The following AFAP1L1 variants were observed in gnomAD, a reference collection of about 807,000 sequenced individuals.
AFAP1L1 encodes the protein actin filament associated protein 1 like 1.
In AFAP1L1, 77 loss-of-function variants were observed where a neutral mutation model predicts 99.8. The observed-to-expected ratio is 0.77, with a 90% CI of 0.64 to 0.93. The LOEUF (loss-of-function observed/expected upper bound fraction) is 0.93, where lower values mean the gene tolerates loss of function less well. Ranked by LOEUF, AFAP1L1 falls within the 40% of genes least tolerant of loss-of-function variation. The pLI, the probability that AFAP1L1 is intolerant of heterozygous loss-of-function variation, is 0.00. For missense variants in AFAP1L1, 893 were observed against 996.8 expected (o/e 0.90, Z 1.40); for synonymous variants, 373 against 395.3 (o/e 0.94, Z 0.67).
At chr5:149,313,530 G>A (rs958311079) in intron 9 of AFAP1L1, among the ~76,000 whole-genome samples, 1 of 152,228 alleles carries the variant, frequency 6.6e-6, no homozygotes, top group African/African-American at 2.4e-5. Flanking sequence ...AACCCAGACA[G>A]TCTAGTTCTT....
At chr5:149,278,287 C>T (rs1017260043) in intron 1 of AFAP1L1, among the ~76,000 whole-genome samples, 2 of 152,132 alleles carry the variant, frequency 1.3e-5, no homozygotes, top group Non-Finnish European at 2.9e-5. Flanking sequence ...CTCTTGCACA[C>T]TCCTTTCACC....
intron 1 of AFAP1L1, among the ~76,000 whole-genome samples, chr5:149,273,899 A>G (rs895436951): frequency 2.6e-5 from 4 of 152,144 alleles, no homozygotes; most frequent in Middle Eastern, 3.2e-3. Flanking sequence ...GCCTGTGGAA[A>G]GTGCACTGTG....
intron 1 of AFAP1L1, among the ~76,000 whole-genome samples, chr5:149,276,164 C>T (rs909270635): frequency 7.9e-5 from 12 of 152,212 alleles, no homozygotes; most frequent in African/African-American, 2.4e-4. Context: ...TTTCAGGCCC[C>T]AGACATCTCC....
chr5:149,272,032 A>G (rs1755127992), intron 1 of AFAP1L1, 48 bp downstream of exon 1: 3 of 1,207,700 alleles, frequency 2.5e-6, no homozygotes, highest in African/African-American at 1.6e-5. Flanking sequence ...CGGGCGGGAA[A>G]GGGAGACTGG....
chr5:149,315,937 G>A lies in AFAP1L1; in HGVS notation c.1114+23G>A, dbSNP rs1245999605. The A allele has an allele frequency of 1.9e-6, 3 of 1,612,646 alleles. No homozygotes were observed. The African/African-American group carries it at 4.0e-5, about 22-fold the overall frequency. On this transcript the variant is annotated intron_variant, in intron 10 of 18. Transcript: ENST00000296721. ...ACGGTAGGAGCCTCTGGGGGCTCAG[G>A]CTGGGGAATGCTGGAACTGGGCCGG...
intron 1 of AFAP1L1, among the ~76,000 whole-genome samples, chr5:149,284,052 G>A (rs1755603673): frequency 1.3e-5 from 2 of 152,358 alleles, no homozygotes; most frequent in African/African-American, 2.4e-5. Flanking sequence ...TTCCTAGCCA[G>A]GAGCCCTGTA....
chr5:149,323,249 C>T (rs1278274206), intron 15 of AFAP1L1, among the ~76,000 whole-genome samples: 1 of 152,154 alleles, frequency 6.6e-6, no homozygotes, highest in Non-Finnish European at 1.5e-5. Context: ...GAGAACTGAA[C>T]CTATCCAAAT....
intron 16 of AFAP1L1, among the ~76,000 whole-genome samples, chr5:149,330,832 T>C (rs1261320660): frequency 6.6e-6 from 1 of 152,178 alleles, no homozygotes; most frequent in Non-Finnish European, 1.5e-5. Context: ...CACACAAATA[T>C]AAGCACCATA....
chr5:149,285,648 G>A (rs1189284095), intron 1 of AFAP1L1, among the ~76,000 whole-genome samples: 1 of 152,126 alleles, frequency 6.6e-6, no homozygotes, highest in Non-Finnish European at 1.5e-5. Context: ...CCTCTTGAAA[G>A]GGACACCTAT....
intron 8 of AFAP1L1, among the ~76,000 whole-genome samples, chr5:149,311,379 G>A (rs990609405): frequency 5.3e-5 from 8 of 152,208 alleles, no homozygotes; most frequent in Admixed American, 3.9e-4. Context: ...CTGGGCGGCC[G>A]TTAGCCCAGA....
intron 2 of AFAP1L1, 94 bp from the exon 3 acceptor site, chr5:149,300,177 C>T (rs1756151778): frequency 2.5e-6 from 2 of 793,386 alleles, no homozygotes; most frequent in Non-Finnish European, 2.0e-6. Flanking sequence ...GCAAAGTGAG[C>T]ACTGTGTCCC....
Position 149,303,650 on chromosome 5 carries a change from C to A in AFAP1L1, c.436+1124C>A, listed in dbSNP as rs551509636. 5.2e-4 allele frequency among the ~76,000 whole-genome samples: 79 copies of A among 152,240 alleles called. 4 individuals are homozygous for A. The South Asian group carries it at 0.016, about 30-fold the overall frequency. On this transcript the variant is annotated intron_variant, in intron 5 of 18. Transcript: ENST00000296721. The stretch of plus-strand genomic sequence containing the variant: ...GTCAAACACAAAATACTGCATACAA[C>A]AATTCCATTTGTTTTTTTAAATAGG...
At chr5:149,287,789 C>A (rs1430575895) in intron 1 of AFAP1L1, among the ~76,000 whole-genome samples, 2 of 147,476 alleles carry the variant, frequency 1.4e-5, no homozygotes, top group African/African-American at 5.0e-5. Flanking sequence ...TACATGTTAG[C>A]CAGGCTGGTC....
chr5:149,279,196 A>G (rs17109893), intron 1 of AFAP1L1, among the ~76,000 whole-genome samples: 11,434 of 152,320 alleles, frequency 0.075, 561 homozygotes, highest in African/African-American at 0.13. Context: ...GTTGTCCTGT[A>G]GAAGAGGTAA....
At chr5:149,303,175 A>T (rs993571649) in intron 5 of AFAP1L1, among the ~76,000 whole-genome samples, 39 of 152,190 alleles carry the variant, frequency 2.6e-4, no homozygotes, top group African/African-American at 9.2e-4. Flanking sequence ...ATATTTGTAA[A>T]AAAAAGTTTA....
chr5:149,335,487 A>T, intron 17 of AFAP1L1, 107 bp from the exon 18 acceptor site: 1 of 1,400,794 alleles, frequency 7.1e-7, no homozygotes, highest in Admixed American at 2.4e-5. Flanking sequence ...CTGTCTCAAA[A>T]ATAAAAATAA....
At chr5:149,288,512 C>A (rs974525002) in intron 1 of AFAP1L1, among the ~76,000 whole-genome samples, 1 of 152,222 alleles carries the variant, frequency 6.6e-6, no homozygotes, top group African/African-American at 2.4e-5. Context: ...TGGGACTACT[C>A]TGCTTCCCCA....
chr5:149,313,160 T>C (rs955884252), intron 9 of AFAP1L1, among the ~76,000 whole-genome samples: 1 of 151,118 alleles, frequency 6.6e-6, no homozygotes, highest in Admixed American at 6.6e-5. Context: ...GCGTGCCTGT[T>C]TGGAACATGA....
intron 9 of AFAP1L1, among the ~76,000 whole-genome samples, chr5:149,315,038 T>C (rs1052146636): frequency 1.3e-5 from 2 of 152,218 alleles, no homozygotes; most frequent in African/African-American, 2.4e-5. Context: ...CAGAAGGACT[T>C]TCCCACATTC....
Sources: gnomAD v4.1 joint callset for allele counts (sites outside exome capture counted in the v4.1 genomes callset) on GRCh38, gnomAD v4.1.1 for gene constraint, MANE v1.5 for transcripts, NCBI Gene and HGNC (gene_info 2026-07-23, HGNC 2026-07-21) for gene names.